CDH5: variants seen among roughly 807,000 people sequenced by gnomAD.
The protein encoded by CDH5 is cadherin 5, also known as cadherin-5.
Under a neutral mutation model 62.0 loss-of-function variants are expected in CDH5, and 28 were observed. The observed-to-expected ratio is 0.45, with a 90% confidence interval of 0.33 to 0.62. The LOEUF is 0.62. CDH5 is among the 20% of genes least tolerant of loss of function. The probability of loss-of-function intolerance (pLI) is 0.02; values close to 1 mark genes in which losing one functional copy is unlikely to be tolerated. For missense variants in CDH5, 940 were observed against 1,065.1 expected (o/e 0.88, Z 1.63); for synonymous variants, 464 against 445.8 (o/e 1.04, Z -0.52).
At chr16:66,393,843 G>A (rs1473310155) in intron 7 of CDH5, among the ~76,000 whole-genome samples, 1 of 152,096 alleles carries the variant, frequency 6.6e-6, no homozygotes, top group Admixed American at 6.5e-5. Context: ...TATAGCTAAT[G>A]TTTCAAGGGT....
In CDH5 at chr16:66,379,351, T is replaced by A; in HGVS notation, c.14T>A (p.Met5Lys). 6.2e-7 allele frequency: 1 copy of A among 1,610,926 alleles called. No homozygotes were observed. The highest frequency in any genetic ancestry group is 8.5e-7 in the Non-Finnish European group (1 of 1,178,104). ...CCTCCTGGGAAGATGCAGAGGCTCA[T>A]GATGCTCCTCGCCACATCGGGCGCC... MQRL[M>K]MLLATSGACL... The change falls in exon 2 of 12, where the codon ATG becomes AAG. Residue 5 changes from methionine to lysine, a missense_variant. Physicochemically the swap from Met to Lys is moderately conservative, Grantham distance 95. Coordinates refer to ENST00000341529, the MANE Select transcript of CDH5 (RefSeq NM_001795.5).
chr16:66,398,397 T>A (rs1961224600), intron 9 of CDH5, 59 bp from the exon 10 acceptor site: 1 of 1,094,830 alleles, frequency 9.1e-7, no homozygotes, highest in South Asian at 1.3e-5. Flanking sequence ...TCGCTAAACC[T>A]CAGACCACCC....
intron 2 of CDH5, among the ~76,000 whole-genome samples, chr16:66,386,271 T>C (rs1960981339): frequency 2.0e-5 from 3 of 152,178 alleles, no homozygotes; most frequent in Admixed American, 1.3e-4. Context: ...AGGTTCTTTT[T>C]TTTTTTTGGC....
At chr16:66,387,934 C>T (rs569544505) in intron 3 of CDH5, among the ~76,000 whole-genome samples, 8 of 152,270 alleles carry the variant, frequency 5.3e-5, no homozygotes, top group South Asian at 2.1e-4. Context: ...ACCAGACCTT[C>T]GGGTTGAGTG....
intron 3 of CDH5, 113 bp from the exon 4 acceptor site, chr16:66,388,211 A>G: frequency 1.4e-6 from 1 of 698,358 alleles, no homozygotes. Context: ...TATTCCCAGG[A>G]CCTGGGGGAG....
Position 66,392,193 on chromosome 16 carries a change from A to C in CDH5, c.1027A>C (p.Thr343Pro), listed in dbSNP as rs746911058. ...YSFIVEATDP[T>P]IDLRYMSPPA... ...CTTCATCGTCGAGGCCACAGACCCC[A>C]CCATCGACCTCCGATACATGAGCCC... The change falls in exon 7 of 12, where the codon ACC (threonine) becomes CCC (proline). Residue 343 changes from threonine (T) to proline (P), a missense_variant. Physicochemically the swap from Thr to Pro is conservative, Grantham distance 38 (BLOSUM62 -1). Transcript: ENST00000341529. 25 of 1,613,968 alleles carry C rather than the reference A, an allele frequency of 1.5e-5. No individual in the cohort carries two copies. Among genetic ancestry groups the C allele is most frequent in the Non-Finnish European group, 1.9e-5 (23 of 1,180,002 alleles).
intron 1 of CDH5, among the ~76,000 whole-genome samples, chr16:66,368,016 C>A (rs1596921149): frequency 6.6e-6 from 1 of 152,166 alleles, no homozygotes; most frequent in Non-Finnish European, 1.5e-5. Context: ...TCCTCAGGTG[C>A]CCAGCAGGTA....
In CDH5 at chr16:66,388,404, C is replaced by T. The variant is rs756012254; in HGVS notation, c.580C>T (p.Leu194=). 3.7e-6 allele frequency: 6 copies of T among 1,613,480 alleles called. No homozygotes were observed. In the East Asian group the frequency reaches 1.3e-4, roughly 36 times the overall value. Residue 194 remains leucine, a synonymous_variant, in exon 4 of 12, where the codon CTG becomes TTG. Transcript: ENST00000341529. ...GDHASVMYQI[L]KGKEYFAIDN... ...CCACGCCTCTGTCATGTACCAAATCCTGAAGGGGAAAGAGTATTTTGCCAT... is the reference window on the plus strand; with the variant it reads ...CCACGCCTCTGTCATGTACCAAATCTTGAAGGGGAAAGAGTATTTTGCCAT...
chr16:66,380,435 T>C (rs1156259580), intron 2 of CDH5, among the ~76,000 whole-genome samples: 1 of 149,168 alleles, frequency 6.7e-6, no homozygotes, highest in Non-Finnish European at 1.5e-5. Flanking sequence ...GTCGTTGTGA[T>C]GATGGTGATG....
chr16:66,389,568 C>T (rs373529370), intron 5 of CDH5, 46 bp downstream of exon 5: 108 of 1,448,940 alleles, frequency 7.5e-5, no homozygotes, highest in Non-Finnish European at 9.7e-5. Flanking sequence ...TGGGATACCC[C>T]AGACTCAGTG....
chr16:66,396,649 T>C (rs1307435342), intron 8 of CDH5, among the ~76,000 whole-genome samples: 2 of 152,248 alleles, frequency 1.3e-5, no homozygotes, highest in African/African-American at 4.8e-5. Context: ...AGGGTGTTTA[T>C]GCACCAGTTA....
At chr16:66,376,583 G>C (rs1960791767) in intron 1 of CDH5, 1 of 152,216 alleles carries the variant, frequency 6.6e-6, no homozygotes, top group Non-Finnish European at 1.5e-5. Flanking sequence ...CTGCACAGAG[G>C]TGGGCTCGGA....
At chr16:66,398,210 T>C in intron 9 of CDH5, 104 bp downstream of exon 9, 2 of 1,347,074 alleles carry the variant, frequency 1.5e-6, no homozygotes, top group Non-Finnish European at 2.1e-6. Flanking sequence ...TACAATAGCC[T>C]TGAGGAAAAT....
rs768164275 is a variant in CDH5, at chr16:66,402,898, C to T, written c.2084C>T (p.Ala695Val). The change falls in exon 12 of 12, where the codon GCG (alanine) becomes GTG (valine). Residue 695 changes from alanine to valine, a missense_variant. Physicochemically the swap from Ala to Val is moderately conservative, Grantham distance 64. Coordinates refer to ENST00000341529, the MANE Select transcript of CDH5 (RefSeq NM_001795.5). Reference sequence around the variant, plus strand: ...CAGGTGCAGAAGCCACCGAGGCACGCGCCTGGGGCACACGGAGGGCCCGGG... The same window carrying T: ...CAGGTGCAGAAGCCACCGAGGCACGTGCCTGGGGCACACGGAGGGCCCGGG... The part of the protein sequence containing the change: ...YAQVQKPPRH[A>V]PGAHGGPGEM... The T allele has an allele frequency of 6.2e-7, 1 of 1,611,298 alleles. No individual in the cohort carries two copies. Among genetic ancestry groups the T allele is most frequent in the Non-Finnish European group, 8.5e-7 (1 of 1,179,598 alleles).
intron 1 of CDH5, among the ~76,000 whole-genome samples, chr16:66,375,478 C>T (rs1158996446): frequency 6.6e-6 from 1 of 151,520 alleles, no homozygotes; most frequent in Non-Finnish European, 1.5e-5. Context: ...TGCAGTGAGC[C>T]GCATTCACAC....
chr16:66,390,331 A>G, intron 5 of CDH5, 72 bp from the exon 6 acceptor site: 1 of 1,137,814 alleles, frequency 8.8e-7, no homozygotes, highest in Non-Finnish European at 1.3e-6. Flanking sequence ...ATATGTTAGA[A>G]TAGCTGAAAG....
chr16:66,389,997 A>G (rs762876242), intron 5 of CDH5, among the ~76,000 whole-genome samples: 3 of 152,210 alleles, frequency 2.0e-5, no homozygotes, highest in Non-Finnish European at 2.9e-5. Flanking sequence ...AGCTTTTCCC[A>G]TGCCTGGGGC....
rs752566412 is a variant in CDH5, at chr16:66,379,473, A to G, written c.136A>G (p.Lys46Glu). 1 of 1,614,238 alleles carries G rather than the reference A, an allele frequency of 6.2e-7. No homozygotes were observed. Among genetic ancestry groups the G allele is most frequent in the Non-Finnish European group, 8.5e-7 (1 of 1,180,046 alleles). The change falls in exon 2 of 12, where the codon AAG becomes GAG. Residue 46 changes from lysine (K) to glutamate (E), a missense_variant. Lys to Glu is a moderately conservative substitution (Grantham distance 56, BLOSUM62 1). Transcript: ENST00000341529. ...CCTGCTGCCCACCCACCGGCGCCAA[A>G]AGAGAGATTGGATTTGGAACCAGAT... ...HSLLPTHRRQ[K>E]RDWIWNQMHI...
intron 2 of CDH5, among the ~76,000 whole-genome samples, chr16:66,380,886 GTGA>G (rs1264434122): frequency 6.6e-6 from 1 of 151,832 alleles, no homozygotes; most frequent in Non-Finnish European, 1.5e-5. Context: ...GATAATGGAG[GTGA>G]TGATGATGGT....
Sources: allele counts gnomAD v4.1 joint callset (sites outside exome capture counted in the v4.1 genomes callset), GRCh38; gene constraint gnomAD v4.1.1; transcripts MANE v1.5; gene names NCBI Gene and HGNC (gene_info 2026-07-23, HGNC 2026-07-21).